PAFAH1B1: variants seen among roughly 807,000 people sequenced by gnomAD.
PAFAH1B1 encodes platelet activating factor acetylhydrolase 1b regulatory subunit 1, also known as platelet-activating factor acetylhydrolase IB subunit beta.
PAFAH1B1 carries 2 observed loss-of-function variants against 57.5 expected under a neutral mutation model. That is an observed-to-expected ratio of 0.03 (90% CI 0.01 to 0.11). The LOEUF (loss-of-function observed/expected upper bound fraction) is 0.11, where lower values mean the gene tolerates loss of function less well. PAFAH1B1 is among the 10% of genes least tolerant of loss of function. The pLI is 1.00. For synonymous variants in PAFAH1B1, 152 were observed against 169.6 expected (o/e 0.90, Z 0.81); for missense variants, 257 against 512.0 (o/e 0.50, Z 4.81).
intron 10 of PAFAH1B1, chr17:2,681,405 C>A: frequency 4.3e-6 from 1 of 233,624 alleles, no homozygotes; most frequent in Non-Finnish European, 8.5e-6. Flanking sequence ...AACACGAAAA[C>A]TACTGGCATT....
At position 2,682,832 on chromosome 17, in the gene PAFAH1B1, TA is replaced by T. The variant is rs887953663; in HGVS notation, c.*1037del. ...TAAACTGTGTTTCACTTACAAGTTT[TA>T]AAAAAATGACAGGGTTTAATGGAGC... is the stretch of plus-strand genomic sequence containing the variant. On this transcript the variant is annotated 3_prime_UTR_variant, in exon 11 of 11. Transcript: ENST00000397195. The T allele has an allele frequency of 6.6e-6, 1 of 152,576 alleles. No individual in the cohort carries two copies. The highest frequency in any genetic ancestry group is 2.1e-4 in the South Asian group (1 of 4,830). 9.5% of individuals were successfully genotyped at this position (152,576 alleles called of 1,614,324 possible). A position where few individuals can be genotyped will look rare whatever the true frequency, so the allele number is the denominator to read the frequency against.
rs2069162973 is a variant in PAFAH1B1 at position 2,670,243 on chromosome 17, C to T, written c.480C>T (p.His160=). 1.2e-6 allele frequency: 2 copies of T among 1,614,080 alleles called. No homozygotes were observed. The highest frequency in any genetic ancestry group is 1.1e-5 in the South Asian group (1 of 91,082). Residue 160 remains histidine, a synonymous_variant, in exon 6 of 11, where the codon CAC becomes CAT. Coordinates refer to ENST00000397195, the MANE Select transcript of PAFAH1B1 (RefSeq NM_000430.4). The part of the protein sequence containing the change: ...TDSVQDISFD[H]SGKLLASCSA... The stretch of plus-strand genomic sequence containing the variant: ...CTGTACAGGACATTTCATTCGACCA[C>T]AGCGGCAAGCTTCTGGCTTCCTGTT...
chr17:2,677,903 T>A (rs978979606), intron 9 of PAFAH1B1, among the ~76,000 whole-genome samples: 3 of 151,998 alleles, frequency 2.0e-5, no homozygotes, highest in Non-Finnish European at 4.4e-5. Context: ...TCTCCTCTAG[T>A]AGTATTCTGA....
intron 1 of PAFAH1B1, among the ~76,000 whole-genome samples, chr17:2,594,849 A>T (rs1278430832): frequency 6.6e-6 from 1 of 152,102 alleles, no homozygotes; most frequent in Non-Finnish European, 1.5e-5. Flanking sequence ...TACCCTCTTT[A>T]GCCTCCCACA....
rs564706193 is a variant in PAFAH1B1 at position 2,662,335 on chromosome 17, TTC to T, written c.33-3035_33-3034del. On this transcript the variant is annotated intron_variant, in intron 2 of 10. Coordinates refer to ENST00000397195, the MANE Select transcript of PAFAH1B1 (RefSeq NM_000430.4). The stretch of plus-strand genomic sequence containing the variant: ...CATCTCAGTTTTGATTTTAACCATT[TTC>T]TTTTTTATTTTTCTTAACCATTTTT... Among the ~76,000 whole-genome samples, 184 of 152,158 alleles carry T rather than the reference TTC, an allele frequency of 1.2e-3. 1 individual carries two copies. The highest frequency in any genetic ancestry group is 2.0e-3 in the Non-Finnish European group (138 of 67,994).
At chr17:2,631,949 T>C (rs2068560867) in intron 1 of PAFAH1B1, among the ~76,000 whole-genome samples, 2 of 152,232 alleles carry the variant, frequency 1.3e-5, no homozygotes, top group South Asian at 4.1e-4. Context: ...TAGAGTAGTG[T>C]AATGAACCAT....
intron 1 of PAFAH1B1, among the ~76,000 whole-genome samples, chr17:2,626,642 A>C (rs1238514560): frequency 1.5e-5 from 2 of 130,886 alleles, no homozygotes; most frequent in Non-Finnish European, 3.1e-5. Flanking sequence ...GCAACCTCTG[A>C]CTCCCTGGTT....
intron 2 of PAFAH1B1, chr17:2,641,852 C>T (rs754075377): frequency 6.6e-6 from 1 of 152,144 alleles, no homozygotes; most frequent in Non-Finnish European, 1.5e-5. Flanking sequence ...AATACATATA[C>T]TGACACCCTA....
At chr17:2,617,722 A>G (rs1224722043) in intron 1 of PAFAH1B1, among the ~76,000 whole-genome samples, 1 of 149,242 alleles carries the variant, frequency 6.7e-6, no homozygotes, top group Non-Finnish European at 1.5e-5. Context: ...GTTTGAGACC[A>G]GCACAGACAA....
chr17:2,617,082 T>C (rs1002637223), intron 1 of PAFAH1B1, among the ~76,000 whole-genome samples: 30 of 151,938 alleles, frequency 2.0e-4, no homozygotes, highest in African/African-American at 7.0e-4. Flanking sequence ...CAAAAAAAAA[T>C]GATTGCTCTT....
At chr17:2,646,489 C>T (rs943532508) in intron 2 of PAFAH1B1, among the ~76,000 whole-genome samples, 1 of 152,004 alleles carries the variant, frequency 6.6e-6, no homozygotes, top group Non-Finnish European at 1.5e-5. Flanking sequence ...CCCATCTCTA[C>T]TAAAAATACA....
chr17:2,610,437 C>G, intron 1 of PAFAH1B1, among the ~76,000 whole-genome samples: 1 of 152,082 alleles, frequency 6.6e-6, no homozygotes, highest in Non-Finnish European at 1.5e-5. Flanking sequence ...GAGAGAAAAA[C>G]TTGGTAGTTT....
chr17:2,653,580 G>A (rs1242102515), intron 2 of PAFAH1B1, among the ~76,000 whole-genome samples: 1 of 152,122 alleles, frequency 6.6e-6, no homozygotes, highest in Non-Finnish European at 1.5e-5. Flanking sequence ...CTCTGAGACT[G>A]CAAGTTGAGC....
chr17:2,664,032 G>A (rs150284591), intron 2 of PAFAH1B1, among the ~76,000 whole-genome samples: 4 of 151,336 alleles, frequency 2.6e-5, no homozygotes, highest in East Asian at 2.0e-4. Context: ...TGCCCGCCTC[G>A]GCCTCCCAAA....
intron 1 of PAFAH1B1, among the ~76,000 whole-genome samples, chr17:2,607,088 T>G (rs2068214308): frequency 6.6e-6 from 1 of 152,090 alleles, no homozygotes; most frequent in African/African-American, 2.4e-5. Flanking sequence ...CCTCCTGCGG[T>G]GCTGGGATTA....
intron 1 of PAFAH1B1, among the ~76,000 whole-genome samples, chr17:2,614,169 C>A (rs1567528520): frequency 6.6e-6 from 1 of 151,668 alleles, no homozygotes; most frequent in Non-Finnish European, 1.5e-5. Flanking sequence ...GCTGGGACCG[C>A]AGGTGTGTGC....
intron 1 of PAFAH1B1, among the ~76,000 whole-genome samples, chr17:2,630,321 C>A (rs1001035566): frequency 6.6e-6 from 1 of 152,160 alleles, no homozygotes; most frequent in African/African-American, 2.4e-5. Context: ...TGAATTCTCT[C>A]AGCATTTGTT....
intron 1 of PAFAH1B1, among the ~76,000 whole-genome samples, chr17:2,604,454 A>G (rs1278439027): frequency 6.6e-6 from 1 of 151,798 alleles, no homozygotes; most frequent in Admixed American, 6.6e-5. Flanking sequence ...AGGCTATTTC[A>G]GGGCCCATCA....
At position 2,612,344 on chromosome 17, in the gene PAFAH1B1, C is replaced by G. The variant is rs372560812; in HGVS notation, c.-191+18338C>G. 8.6e-5 allele frequency among the ~76,000 whole-genome samples: 13 copies of G among 151,950 alleles called. No individual in the cohort carries two copies. The East Asian group carries it at 1.9e-3, about 23-fold the overall frequency. ...TCAGTCTCCCAAGTAGCTAGGACTA[C>G]AGGCGCGCACCACCACGCCTGGCTA... On this transcript the variant is annotated intron_variant, in intron 1 of 10. Transcript: ENST00000397195.
Sources: allele counts gnomAD v4.1 joint callset (sites outside exome capture counted in the v4.1 genomes callset), GRCh38; gene constraint gnomAD v4.1.1; transcripts MANE v1.5; gene names NCBI Gene and HGNC (gene_info 2026-07-23, HGNC 2026-07-21).